The following GALNT17 variants were observed in gnomAD, a reference collection of about 807,000 sequenced individuals.
GALNT17 encodes the protein UDP-GalNAc:polypeptide N-acetylgalactosaminyltransferase-like 3.
A neutral mutation model predicts 63.7 loss-of-function variants in GALNT17; 29 were observed. The observed-to-expected ratio is 0.46, with a 90% CI of 0.34 to 0.62. The LOEUF (loss-of-function observed/expected upper bound fraction) is 0.62. Among genes scored for constraint, GALNT17 ranks in the 20% least tolerant of loss-of-function variants. The probability of loss-of-function intolerance (pLI) is 0.01; values close to 1 mark genes in which losing one functional copy is unlikely to be tolerated. For synonymous variants in GALNT17, 305 were observed against 318.3 expected, an observed-to-expected ratio of 0.96 and a Z score of 0.45; for missense variants, 603 against 799.6, an observed-to-expected ratio of 0.75 and a Z score of 2.97.
intron 2 of GALNT17, among the ~76,000 whole-genome samples, chr7:71,368,774 T>C (rs1283048686): frequency 6.6e-6 from 1 of 152,170 alleles, no homozygotes; most frequent in African/African-American, 2.4e-5. Context: ...CTGGGTGATA[T>C]AGACATACTT....
At chr7:71,680,808 TCTTC>T (rs148786608) in intron 9 of GALNT17, among the ~76,000 whole-genome samples, 2,063 of 146,132 alleles carry the variant, frequency 0.014, 60 homozygotes, top group African/African-American at 0.051. Context: ...TTCCTTCCTT[TCTTC>T]CTTCCTTCCT....
chr7:71,450,145 T>G (rs1787233139), intron 5 of GALNT17, among the ~76,000 whole-genome samples: 1 of 151,648 alleles, frequency 6.6e-6, no homozygotes, highest in Non-Finnish European at 1.5e-5. Context: ...AAAGATTTTT[T>G]TTTTTTTTTT....
chr7:71,319,719 A>G (rs1237367771), intron 1 of GALNT17, among the ~76,000 whole-genome samples: 1 of 152,156 alleles, frequency 6.6e-6, no homozygotes, highest in Non-Finnish European at 1.5e-5. Flanking sequence ...ATCTCAATCA[A>G]TAACACCAAC....
chr7:71,553,378 T>G (rs1208320449), intron 5 of GALNT17, among the ~76,000 whole-genome samples: 1 of 151,886 alleles, frequency 6.6e-6, no homozygotes, highest in African/African-American at 2.4e-5. Flanking sequence ...GGCTATAGAG[T>G]TGGTCCAAAT....
intron 6 of GALNT17, among the ~76,000 whole-genome samples, chr7:71,593,076 G>C (rs1789833456): frequency 6.6e-6 from 1 of 151,976 alleles, no homozygotes; most frequent in Non-Finnish European, 1.5e-5. Context: ...TTGAGCCTCA[G>C]GTGGTTGAGG....
intron 3 of GALNT17, among the ~76,000 whole-genome samples, chr7:71,396,211 G>T (rs1418607020): frequency 6.6e-6 from 1 of 152,064 alleles, no homozygotes; most frequent in Non-Finnish European, 1.5e-5. Context: ...ACAAAGAATT[G>T]AACCTTTGTT....
intron 1 of GALNT17, among the ~76,000 whole-genome samples, chr7:71,144,897 T>G (rs1787986542): frequency 6.6e-6 from 1 of 152,030 alleles, no homozygotes; most frequent in South Asian, 2.1e-4. Flanking sequence ...CCAGGCTAAT[T>G]TTTTGTATTT....
At chr7:71,286,122 G>A (rs7796585) in intron 1 of GALNT17, among the ~76,000 whole-genome samples, 1 of 151,942 alleles carries the variant, frequency 6.6e-6, no homozygotes, top group African/African-American at 2.4e-5. Context: ...AATATCTTGC[G>A]TTTGCAAATT....
At chr7:71,679,115 A>G (rs1791197299) in intron 9 of GALNT17, among the ~76,000 whole-genome samples, 1 of 152,140 alleles carries the variant, frequency 6.6e-6, no homozygotes, top group African/African-American at 2.4e-5. Context: ...CTGTAGGGAA[A>G]TGGGGATGCA....
chr7:71,269,020 G>T (rs1790539834), intron 1 of GALNT17, among the ~76,000 whole-genome samples: 1 of 152,156 alleles, frequency 6.6e-6, no homozygotes, highest in South Asian at 2.1e-4. Flanking sequence ...GTCCCTAGAG[G>T]CCAGCTGGAG....
chr7:71,485,211 T>A (rs111679157), intron 5 of GALNT17, among the ~76,000 whole-genome samples: 7,609 of 151,984 alleles, frequency 0.05, 661 homozygotes, highest in African/African-American at 0.17. Context: ...GCTCAAGCGA[T>A]CCTCCTGCCT....
At chr7:71,183,466 C>T (rs1168852473) in intron 1 of GALNT17, among the ~76,000 whole-genome samples, 1 of 152,164 alleles carries the variant, frequency 6.6e-6, no homozygotes, top group East Asian at 1.9e-4. Flanking sequence ...TTGAATTCCT[C>T]CCACGTCAAA....
intron 5 of GALNT17, among the ~76,000 whole-genome samples, chr7:71,438,298 A>G (rs1010014982): frequency 1.3e-5 from 2 of 152,244 alleles, no homozygotes; most frequent in Admixed American, 6.5e-5. Flanking sequence ...AGCATCCAGC[A>G]TGGGAGAAAG....
chr7:71,653,772 C>A (rs1031348769), intron 6 of GALNT17, among the ~76,000 whole-genome samples: 4 of 152,046 alleles, frequency 2.6e-5, no homozygotes, highest in African/African-American at 9.7e-5. Context: ...TTCTGATTTG[C>A]GATTGCTCCA....
intron 1 of GALNT17, among the ~76,000 whole-genome samples, chr7:71,239,133 C>T (rs2116463051): frequency 6.6e-6 from 1 of 152,252 alleles, no homozygotes; most frequent in Non-Finnish European, 1.5e-5. Context: ...ATGCTATGCC[C>T]AAATTTCCCA....
At chr7:71,438,885 C>CT (rs199548314) in intron 5 of GALNT17, among the ~76,000 whole-genome samples, 8,212 of 138,174 alleles carry the variant, frequency 0.059, 712 homozygotes, top group African/African-American at 0.19. Flanking sequence ...AAAAGATAGA[C>CT]TTTTTTTTTT....
chr7:71,236,628 T>C (rs1789896622), intron 1 of GALNT17, among the ~76,000 whole-genome samples: 1 of 152,192 alleles, frequency 6.6e-6, no homozygotes, highest in Non-Finnish European at 1.5e-5. Flanking sequence ...TTCCCTCTGC[T>C]GCCAAACACT....
At chr7:71,427,644 G>A (rs566549400) in intron 5 of GALNT17, among the ~76,000 whole-genome samples, 2 of 152,146 alleles carry the variant, frequency 1.3e-5, no homozygotes, top group African/African-American at 4.8e-5. Flanking sequence ...ACTGTCCAGG[G>A]CAGTGGTCCT....
chr7:71,558,691 C>T (rs1789204781), intron 5 of GALNT17, among the ~76,000 whole-genome samples: 1 of 152,136 alleles, frequency 6.6e-6, no homozygotes, highest in Admixed American at 6.5e-5. Flanking sequence ...TTTACAAAAA[C>T]ACTCTTCCAA....
Sources: allele counts gnomAD v4.1 joint callset (sites outside exome capture counted in the v4.1 genomes callset), GRCh38; gene constraint gnomAD v4.1.1; transcripts MANE v1.5; gene names NCBI Gene and HGNC (gene_info 2026-07-23, HGNC 2026-07-21).